The following EDA variants were observed in gnomAD, a reference collection of about 807,000 sequenced individuals.
The protein encoded by EDA is ectodysplasin A.
EDA carries 2 observed loss-of-function variants against 23.6 expected under a neutral mutation model. The ratio of observed to expected loss-of-function variants is 0.08; its 90% CI spans 0.03 to 0.27. The LOEUF (loss-of-function observed/expected upper bound fraction) is 0.27. Ranked by LOEUF, EDA falls within the 10% of genes least tolerant of loss-of-function variation. The pLI, the probability that EDA is intolerant of heterozygous loss-of-function variation, is 1.00. For missense variants in EDA, 229 were observed against 324.2 expected (o/e 0.71, Z 2.26); for synonymous variants, 131 against 132.0 (o/e 0.99, Z 0.05).
At chrX:69,839,691 A>G (rs2147558243) in intron 1 of EDA, among the ~76,000 whole-genome samples, 1 of 112,123 alleles carries the variant, frequency 8.9e-6, no homozygotes, top group South Asian at 3.7e-4. Context: ...TACTAATGAA[A>G]ACCTGTGTGT....
At chrX:70,000,098 A>G (rs1016973907) in intron 2 of EDA, among the ~76,000 whole-genome samples, 1 of 112,432 alleles carries the variant, frequency 8.9e-6, no homozygotes, top group Non-Finnish European at 1.9e-5. Flanking sequence ...GATAAAGAAT[A>G]TCTTGGCCTA....
chrX:69,827,779 C>T (rs1183033285), intron 1 of EDA, among the ~76,000 whole-genome samples: 1 of 111,780 alleles, frequency 8.9e-6, no homozygotes, highest in Non-Finnish European at 1.9e-5. Context: ...AGGCGCTCTG[C>T]TTTTTAGAGT....
intron 1 of EDA, among the ~76,000 whole-genome samples, chrX:69,918,454 G>A (rs1279219034): frequency 9.0e-6 from 1 of 111,731 alleles, no homozygotes; most frequent in Non-Finnish European, 1.9e-5. Context: ...ACCGTGCCCG[G>A]CCAGGAAGCT....
intron 1 of EDA, among the ~76,000 whole-genome samples, chrX:69,881,124 G>A (rs1433631118): frequency 1.8e-5 from 2 of 111,451 alleles, no homozygotes; most frequent in Non-Finnish European, 3.8e-5. Context: ...ACAAGAAAAA[G>A]CAAAGCCAGT....
chrX:70,020,280 G>A (rs773207301), intron 2 of EDA, among the ~76,000 whole-genome samples: 9 of 111,801 alleles, frequency 8.1e-5, no homozygotes, highest in East Asian at 2.8e-4. Flanking sequence ...ATGTGGGGCC[G>A]GGTGCAGTGG....
At chrX:69,879,207 A>G (rs1194480976) in intron 1 of EDA, among the ~76,000 whole-genome samples, 1 of 109,928 alleles carries the variant, frequency 9.1e-6, no homozygotes, top group Non-Finnish European at 1.9e-5. Context: ...ATTGCTGTTT[A>G]GGATCTGATC....
intron 1 of EDA, among the ~76,000 whole-genome samples, chrX:69,792,888 A>T (rs772547152): frequency 8.0e-5 from 9 of 112,084 alleles, no homozygotes; most frequent in African/African-American, 2.6e-4. Context: ...TCAGACACAT[A>T]GTTTGCAAAT....
At chrX:69,824,252 G>C (rs1414524724) in intron 1 of EDA, among the ~76,000 whole-genome samples, 2 of 110,840 alleles carry the variant, frequency 1.8e-5, no homozygotes, top group African/African-American at 3.3e-5. Context: ...TTGGTAGCTT[G>C]ATGGGGATTG....
intron 1 of EDA, among the ~76,000 whole-genome samples, chrX:69,847,811 T>C (rs1043035148): frequency 2.7e-5 from 3 of 111,940 alleles, no homozygotes; most frequent in Admixed American, 9.5e-5. Context: ...TTTTCATTTC[T>C]CTGGGATAAA....
intron 2 of EDA, among the ~76,000 whole-genome samples, chrX:69,958,901 G>T (rs1423099252): frequency 9.0e-6 from 1 of 111,296 alleles, no homozygotes; most frequent in East Asian, 2.8e-4. Flanking sequence ...CAAAGGAAGA[G>T]AGGAGACAGG....
intron 1 of EDA, among the ~76,000 whole-genome samples, chrX:69,954,246 T>G (rs189548713): frequency 9.0e-6 from 1 of 111,355 alleles, no homozygotes; most frequent in South Asian, 3.9e-4. Flanking sequence ...TTATTCTTTC[T>G]TTTTCCTCTG....
chrX:69,720,112 T>A (rs760062642), intron 1 of EDA, among the ~76,000 whole-genome samples: 1 of 111,793 alleles, frequency 8.9e-6, no homozygotes, highest in African/African-American at 3.3e-5. Flanking sequence ...TTTTTGCAAT[T>A]GTGAATTGTA....
intron 1 of EDA, among the ~76,000 whole-genome samples, chrX:69,737,334 C>T (rs2013299788): frequency 9.0e-6 from 1 of 111,559 alleles, no homozygotes; most frequent in Non-Finnish European, 1.9e-5. Context: ...TCTTTTCTTG[C>T]CTTCTTTTGG....
At chrX:69,678,017 C>T (rs1435984727) in intron 1 of EDA, among the ~76,000 whole-genome samples, 6 of 109,509 alleles carry the variant, frequency 5.5e-5, no homozygotes, top group South Asian at 4.0e-4. Context: ...AAGGAAGGGA[C>T]CCAGTTTCAG....
chrX:69,729,033 T>G (rs2012917520), intron 1 of EDA: 1 of 111,431 alleles, frequency 9.0e-6, no homozygotes, highest in Non-Finnish European at 1.9e-5. Context: ...GATGCAGAGA[T>G]TCTTAGGATT....
chrX:69,814,975 G>A (rs12845282), intron 1 of EDA, among the ~76,000 whole-genome samples: 9,865 of 111,097 alleles, frequency 0.089, 456 homozygotes, highest in Non-Finnish European at 0.13. Flanking sequence ...TTGGCCCTGG[G>A]ATTCCCAGCA....
chrX:69,845,619 A>T lies in EDA; in HGVS notation c.397-111408A>T, dbSNP rs748140383. Reference sequence around the variant, plus strand: ...GGTTTAGAGTGGTAGGGCCCTCAAGAATCTCTGATTTTTGATATTAACACC... The same window carrying T: ...GGTTTAGAGTGGTAGGGCCCTCAAGTATCTCTGATTTTTGATATTAACACC... On this transcript the variant is annotated intron_variant, in intron 1 of 7. Coordinates refer to ENST00000374552, the MANE Select transcript of EDA (RefSeq NM_001399.5). Among the ~76,000 whole-genome samples the T allele has an allele frequency of 3.6e-5, 4 of 111,997 alleles. No individual in the cohort carries two copies. In the East Asian group the frequency reaches 1.1e-3, roughly 31 times the overall value.
intron 1 of EDA, among the ~76,000 whole-genome samples, chrX:69,724,658 C>T (rs2012722650): frequency 8.9e-6 from 1 of 111,823 alleles, no homozygotes; most frequent in Non-Finnish European, 1.9e-5. Context: ...GTTTTATACT[C>T]CTATTTTAGG....
chrX:69,771,224 A>T (rs1173239825), intron 1 of EDA, among the ~76,000 whole-genome samples: 2 of 109,263 alleles, frequency 1.8e-5, no homozygotes, highest in African/African-American at 6.7e-5. Flanking sequence ...CACCCAGCTA[A>T]TTTTTTTGTA....
Sources: gnomAD v4.1 joint callset for allele counts (sites outside exome capture counted in the v4.1 genomes callset) on GRCh38, gnomAD v4.1.1 for gene constraint, MANE v1.5 for transcripts, NCBI Gene and HGNC (gene_info 2026-07-23, HGNC 2026-07-21) for gene names.